The following HRH1 variants were observed in gnomAD, a reference collection of about 807,000 sequenced individuals.
The protein encoded by HRH1 is histamine receptor H1.
HRH1 carries 6 observed loss-of-function variants against 10.3 expected under a neutral mutation model. The ratio of observed to expected loss-of-function variants is 0.58; its 90% confidence interval spans 0.32 to 1.15. The LOEUF (loss-of-function observed/expected upper bound fraction) is 1.15, where lower values mean the gene tolerates loss of function less well. Ranked by LOEUF, HRH1 falls within the 50% of genes most tolerant of loss-of-function variation. The probability of loss-of-function intolerance (pLI) is 0.05; values close to 1 mark genes in which losing one functional copy is unlikely to be tolerated. For synonymous variants in HRH1, 242 were observed against 236.7 expected (o/e 1.02, Z -0.21); for missense variants, 514 against 615.3 (o/e 0.84, Z 1.74).
At chr3:11,178,715 C>T (rs960075191) in intron 1 of HRH1, among the ~76,000 whole-genome samples, 1 of 152,180 alleles carries the variant, frequency 6.6e-6, no homozygotes, top group Non-Finnish European at 1.5e-5. Context: ...CTTCAGGGTC[C>T]TCCTGTGGGA....
At chr3:11,144,325 T>C (rs76502847) in intron 1 of HRH1, among the ~76,000 whole-genome samples, 2 of 94,332 alleles carry the variant, frequency 2.1e-5, no homozygotes, top group African/African-American at 1.1e-4. Flanking sequence ...GGAAAATTGG[T>C]CTAAAAATGT....
chr3:11,159,347 T>A (rs973258947), intron 1 of HRH1, among the ~76,000 whole-genome samples: 1 of 152,180 alleles, frequency 6.6e-6, no homozygotes, highest in African/African-American at 2.4e-5. Flanking sequence ...TACTCTAGGT[T>A]TTTGGTAGAT....
intron 1 of HRH1, among the ~76,000 whole-genome samples, chr3:11,210,128 A>C (rs1938276497): frequency 6.6e-6 from 1 of 152,186 alleles, no homozygotes; most frequent in Non-Finnish European, 1.5e-5. Flanking sequence ...GCAGTGGCTC[A>C]TGCCTGTAAT....
chr3:11,242,931 T>C (rs530645646), intron 1 of HRH1, among the ~76,000 whole-genome samples: 2 of 152,210 alleles, frequency 1.3e-5, no homozygotes, highest in East Asian at 3.9e-4. Flanking sequence ...TTTTCCTTTT[T>C]TTAGATGGAG....
chr3:11,259,915 A>T lies in HRH1; in HGVS notation c.878A>T (p.Asp293Val). The change falls in exon 2 of 2, where the codon GAT (aspartate) becomes GTT (valine). Residue 293 changes from aspartate to valine, a missense_variant. Coordinates refer to ENST00000431010, the MANE Select transcript of HRH1 (RefSeq NM_001098212.2). This position sits in a 1 kb window ranked among gnomAD's most constrained non-coding sequence, Gnocchi z 4.6. ...MKSPVVFSQE[D>V]DREVDKLYCF... is the part of the protein sequence containing the mutation. ...TCCCCAGTTGTCTTCAGCCAAGAGG[A>T]TGATAGAGAAGTAGACAAACTCTAC... 1 of 1,614,140 alleles carries T rather than the reference A, an allele frequency of 6.2e-7. No homozygotes were observed. The highest frequency in any genetic ancestry group is 8.5e-7 in the Non-Finnish European group (1 of 1,180,004).
chr3:11,178,135 T>G (rs1358804732), intron 1 of HRH1, among the ~76,000 whole-genome samples: 1 of 152,156 alleles, frequency 6.6e-6, no homozygotes. Context: ...GTCCTTCAGC[T>G]CCCATCACTC....
intron 1 of HRH1, among the ~76,000 whole-genome samples, chr3:11,227,318 G>C (rs977673189): frequency 6.7e-6 from 1 of 149,432 alleles, no homozygotes; most frequent in African/African-American, 2.5e-5. Flanking sequence ...GCGGAGTCTC[G>C]CTCTGTCCCC....
At chr3:11,175,719 G>C (rs1376300620) in intron 1 of HRH1, among the ~76,000 whole-genome samples, 1 of 152,176 alleles carries the variant, frequency 6.6e-6, no homozygotes, top group Non-Finnish European at 1.5e-5. Context: ...ACCACATCTA[G>C]AATCAGGTTA....
At chr3:11,229,465 G>A (rs1469041835) in intron 1 of HRH1, among the ~76,000 whole-genome samples, 3 of 152,140 alleles carry the variant, frequency 2.0e-5, no homozygotes, top group African/African-American at 7.2e-5. Context: ...TAAGACAGTG[G>A]TGTTTACCAC....
At chr3:11,241,064 A>G (rs1375230850) in intron 1 of HRH1, among the ~76,000 whole-genome samples, 1 of 152,234 alleles carries the variant, frequency 6.6e-6, no homozygotes, top group Non-Finnish European at 1.5e-5. Flanking sequence ...TATTGAAGGA[A>G]TCTATATTTT....
intron 1 of HRH1, among the ~76,000 whole-genome samples, chr3:11,141,039 G>A (rs547906288): frequency 6.6e-6 from 1 of 152,046 alleles, no homozygotes; most frequent in East Asian, 1.9e-4. Flanking sequence ...AAGCTATGAG[G>A]CCCAAGTAGA....
At chr3:11,163,789 T>C (rs1936974239) in intron 1 of HRH1, among the ~76,000 whole-genome samples, 1 of 152,156 alleles carries the variant, frequency 6.6e-6, no homozygotes, top group South Asian at 2.1e-4. Context: ...CACCTCTCTC[T>C]CTCTTTTCAC....
chr3:11,260,303 A>G lies in HRH1; in HGVS notation c.1266A>G (p.Ala422=), dbSNP rs758745466. Residue 422 remains alanine (A), a synonymous_variant, in exon 2 of 2, where the codon GCA becomes GCG. Transcript: ENST00000431010. ...KAAKQLGFIM[A]AFILCWIPYF... ...CCAAACAGTTGGGTTTTATCATGGC[A>G]GCCTTCATCCTCTGCTGGATCCCTT... 1.2e-6 allele frequency: 2 copies of G among 1,614,174 alleles called. No individual in the cohort carries two copies. The highest frequency in any genetic ancestry group is 2.2e-5 in the East Asian group (1 of 44,894).
At chr3:11,174,774 C>T (rs1264343805) in intron 1 of HRH1, among the ~76,000 whole-genome samples, 6 of 152,210 alleles carry the variant, frequency 3.9e-5, no homozygotes, top group Admixed American at 1.3e-4. Flanking sequence ...TGGGAGGCTG[C>T]TCCCAGCTGG....
chr3:11,146,242 TCCA>T (rs1308912688), intron 1 of HRH1, among the ~76,000 whole-genome samples: 2 of 152,204 alleles, frequency 1.3e-5, no homozygotes, highest in African/African-American at 4.8e-5. Context: ...TCATATTTCA[TCCA>T]TTCTGGAGGA....
intron 1 of HRH1, among the ~76,000 whole-genome samples, chr3:11,190,535 C>T (rs752800727): frequency 9.2e-5 from 14 of 151,942 alleles, no homozygotes; most frequent in South Asian, 4.2e-4. Flanking sequence ...GGACTACAGG[C>T]GCATGCTGCC....
chr3:11,143,358 G>T (rs576843199), intron 1 of HRH1, among the ~76,000 whole-genome samples: 11 of 152,280 alleles, frequency 7.2e-5, no homozygotes, highest in Admixed American at 3.3e-4. Flanking sequence ...GCCTGAGAAG[G>T]CTTGTATGAC....
intron 1 of HRH1, among the ~76,000 whole-genome samples, chr3:11,202,637 A>C (rs1937973234): frequency 6.6e-6 from 1 of 152,042 alleles, no homozygotes; most frequent in South Asian, 2.1e-4. Flanking sequence ...GGTCACAGCA[A>C]AATTCTGCTG....
intron 1 of HRH1, among the ~76,000 whole-genome samples, chr3:11,198,686 A>G (rs1221121289): frequency 6.7e-6 from 1 of 150,088 alleles, no homozygotes; most frequent in Non-Finnish European, 1.5e-5. Context: ...ACAGTGAGCT[A>G]TGATTGCATC....
Sources: gnomAD v4.1 joint callset for allele counts (sites outside exome capture counted in the v4.1 genomes callset) on GRCh38, gnomAD v4.1.1 for gene constraint, Gnocchi (gnomAD v3.1) non-coding constraint, MANE v1.5 for transcripts, NCBI Gene and HGNC (gene_info 2026-07-23, HGNC 2026-07-21) for gene names.